Variants in PCDHGA6 observed in about 807,000 individuals in gnomAD.
PCDHGA6 encodes protocadherin gamma-A6.
Under a neutral mutation model 60.6 loss-of-function variants are expected in PCDHGA6, and 41 were observed. The ratio of observed to expected loss-of-function variants is 0.68; its 90% CI spans 0.53 to 0.88. The LOEUF (loss-of-function observed/expected upper bound fraction) is 0.88. Ranked by LOEUF, PCDHGA6 falls within the 40% of genes least tolerant of loss-of-function variation. The probability of loss-of-function intolerance (pLI) is 0.00; values close to 1 mark genes in which losing one functional copy is unlikely to be tolerated. For missense variants in PCDHGA6, 1,312 were observed against 1,203.0 expected (o/e 1.09, Z -1.34); for synonymous variants, 594 against 524.4 (o/e 1.13, Z -1.81).
At chr5:141,418,147 C>T (rs781655205) in intron 1 of PCDHGA6, 3 of 1,614,040 alleles carry the variant, frequency 1.9e-6, no homozygotes, top group Admixed American at 3.3e-5. Flanking sequence ...AGCAAATATG[C>T]AAAGAGAGAA....
In PCDHGA6 at chr5:141,422,647, T is replaced by G. The variant is rs773990745; in HGVS notation, c.2424+46140T>G. 2.5e-6 allele frequency: 4 copies of G among 1,611,858 alleles called. No individual in the cohort carries two copies. In the South Asian group the frequency reaches 4.4e-5, roughly 18 times the overall value. On this transcript the variant is annotated intron_variant, in intron 1 of 3. Transcript: ENST00000517434. ...CAACCCCAGGGGTGCCTCCATCTTC[T>G]CAGTGACCGCCCTCGACCCGGACAG...
chr5:141,424,966 T>G (rs913951031), intron 1 of PCDHGA6, among the ~76,000 whole-genome samples: 17 of 152,174 alleles, frequency 1.1e-4, no homozygotes, highest in African/African-American at 3.9e-4. Flanking sequence ...TTGCCCCAAA[T>G]TACTTGGATA....
At chr5:141,500,252 A>G (rs2099798400) in intron 2 of PCDHGA6, among the ~76,000 whole-genome samples, 1 of 151,094 alleles carries the variant, frequency 6.6e-6, no homozygotes, top group East Asian at 1.9e-4. Flanking sequence ...TCTGTCACCC[A>G]GGCTGGACTG....
chr5:141,382,913 C>T (rs1778570973), intron 1 of PCDHGA6: 1 of 1,553,116 alleles, frequency 6.4e-7, no homozygotes, highest in Admixed American at 2.0e-5. Flanking sequence ...GCGGCTCAGC[C>T]GAGGGGCGGG....
At chr5:141,408,978 C>A (rs1444971938) in intron 1 of PCDHGA6, 1 of 1,613,862 alleles carries the variant, frequency 6.2e-7, no homozygotes, top group African/African-American at 1.3e-5. Context: ...CCCCCTGGGT[C>A]CCCTGTGTTG....
chr5:141,423,626 T>C (rs745796529), intron 1 of PCDHGA6: 1 of 1,606,498 alleles, frequency 6.2e-7, no homozygotes, highest in South Asian at 1.1e-5. Context: ...GACTCAGCTA[T>C]CATTTTAGGC....
At chr5:141,428,197 G>C in intron 1 of PCDHGA6, 3 of 1,385,972 alleles carry the variant, frequency 2.2e-6, no homozygotes, top group Non-Finnish European at 3.0e-6. Flanking sequence ...CGCTCTCTGC[G>C]CCGCTACGCT....
intron 1 of PCDHGA6, chr5:141,433,359 CT>C: frequency 8.7e-6 from 2 of 228,708 alleles, no homozygotes; most frequent in Non-Finnish European, 1.6e-5. Context: ...TACTGTCTGC[CT>C]ATCTATCTAT....
At chr5:141,469,372 C>G (rs780872014) in intron 1 of PCDHGA6, among the ~76,000 whole-genome samples, 5 of 151,990 alleles carry the variant, frequency 3.3e-5, no homozygotes, top group Non-Finnish European at 5.9e-5. Flanking sequence ...GTAAAGAGAT[C>G]GAGACCATCC....
At chr5:141,470,485 GAAT>G (rs2099231720) in intron 1 of PCDHGA6, among the ~76,000 whole-genome samples, 1 of 152,074 alleles carries the variant, frequency 6.6e-6, no homozygotes, top group Admixed American at 6.6e-5. Context: ...AACCCTCTGG[GAAT>G]AATATTAGGT....
At chr5:141,383,188 G>T (rs762386846) in intron 1 of PCDHGA6, 26 of 1,614,064 alleles carry the variant, frequency 1.6e-5, no homozygotes, top group Non-Finnish European at 2.1e-5. Context: ...AGAGATCTGC[G>T]CTCAGAGTGC....
chr5:141,385,545 A>G, intron 1 of PCDHGA6: 1 of 1,319,590 alleles, frequency 7.6e-7, no homozygotes, highest in Non-Finnish European at 9.7e-7. Flanking sequence ...TATGTGGACT[A>G]TCACATTTTA....
intron 1 of PCDHGA6, chr5:141,398,933 A>C: frequency 1.2e-6 from 2 of 1,614,010 alleles, no homozygotes; most frequent in Non-Finnish European, 1.7e-6. Context: ...GCCACTGACC[A>C]AGACGAGGGC....
intron 1 of PCDHGA6, chr5:141,419,582 T>A (rs1474193256): frequency 6.2e-7 from 1 of 1,611,894 alleles, no homozygotes. Context: ...CTCCGCGCTC[T>A]TCGACACAGT....
At chr5:141,406,567 T>A (rs1270084196) in intron 1 of PCDHGA6, among the ~76,000 whole-genome samples, 2 of 152,224 alleles carry the variant, frequency 1.3e-5, no homozygotes, top group African/African-American at 4.8e-5. Context: ...TTCCAAACCC[T>A]AGTAAACCAA....
chr5:141,432,227 T>C lies in PCDHGA6; in HGVS notation c.2424+55720T>C, dbSNP rs1046414550. On this transcript the variant is annotated intron_variant, in intron 1 of 3. Coordinates refer to ENST00000517434, the MANE Select transcript of PCDHGA6 (RefSeq NM_018919.3). This position sits in a 1 kb window ranked among gnomAD's most constrained non-coding sequence, Gnocchi z 6.0. ...TGAAGAGAACGCCCAGATCACTTATTCCCTGGCTGAGAACACCATCCAAGG... is the reference window on the plus strand; with the variant it reads ...TGAAGAGAACGCCCAGATCACTTATCCCCTGGCTGAGAACACCATCCAAGG... 1.4e-5 allele frequency: 22 copies of C among 1,614,080 alleles called. No individual in the cohort carries two copies. The highest frequency in any genetic ancestry group is 1.8e-5 in the Non-Finnish European group (21 of 1,180,042).
chr5:141,492,079 G>C (rs1400390407), intron 1 of PCDHGA6: 3 of 486,286 alleles, frequency 6.2e-6, no homozygotes, highest in South Asian at 4.1e-5. Flanking sequence ...CGCCGGCTCC[G>C]GCACGCTTCG....
chr5:141,453,021 A>G (rs1008711775), intron 1 of PCDHGA6, among the ~76,000 whole-genome samples: 1 of 152,200 alleles, frequency 6.6e-6, no homozygotes, highest in Non-Finnish European at 1.5e-5. Context: ...TATGTGATTC[A>G]TTAAAATAAA....
rs755163825 is a variant in PCDHGA6, at chr5:141,491,048, C to A, written c.2425-3759C>A. 6.2e-6 allele frequency: 10 copies of A among 1,613,948 alleles called. No individual in the cohort carries two copies. Among genetic ancestry groups the A allele is most frequent in the Non-Finnish European group, 7.6e-6 (9 of 1,179,960 alleles). ...GTGGATGCTGATGCAGGCCACAATG[C>A]GTGGCTCTCCTACTCACTGTTGCCA... On this transcript the variant is annotated intron_variant, in intron 1 of 3. Coordinates refer to ENST00000517434, the MANE Select transcript of PCDHGA6 (RefSeq NM_018919.3). The surrounding 1 kb of genome is among the most constrained non-coding windows in gnomAD (Gnocchi z 6.9).
Sources: allele counts gnomAD v4.1 joint callset (sites outside exome capture counted in the v4.1 genomes callset), GRCh38; gene constraint gnomAD v4.1.1; non-coding constraint Gnocchi (gnomAD v3.1); transcripts MANE v1.5; gene names NCBI Gene and HGNC (gene_info 2026-07-23, HGNC 2026-07-21).